Variants in RBFOX1 observed in about 807,000 individuals in gnomAD.
The protein encoded by RBFOX1 is RNA binding protein fox-1 homolog 1.
A neutral mutation model predicts 57.7 loss-of-function variants in RBFOX1; 8 were observed. The ratio of observed to expected loss-of-function variants is 0.14; its 90% confidence interval spans 0.08 to 0.25. The LOEUF (loss-of-function observed/expected upper bound fraction) is 0.25. Ranked by LOEUF, RBFOX1 falls within the 10% of genes least tolerant of loss-of-function variation. The pLI is 1.00. For missense variants in RBFOX1, 611 were observed against 548.5 expected (o/e 1.11, Z -1.14); for synonymous variants, 326 against 222.4 (o/e 1.47, Z -4.15).
At chr16:7,602,989 T>C (rs369979582) in intron 9 of RBFOX1, among the ~76,000 whole-genome samples, 11 of 152,218 alleles carry the variant, frequency 7.2e-5, no homozygotes, top group Admixed American at 2.0e-4. Context: ...TGAATGTCCA[T>C]TGGGTCAGTG....
chr16:7,332,071 A>G (rs117968516), intron 4 of RBFOX1, among the ~76,000 whole-genome samples: 1,525 of 152,322 alleles, frequency 0.01, 14 homozygotes, highest in Non-Finnish European at 0.016. Context: ...GTCGTTAAAA[A>G]CACAAAATAA....
chr16:7,710,665 G>A lies in RBFOX1; in HGVS notation c.1114G>A (p.Ala372Thr). 1 of 1,613,684 alleles carries A rather than the reference G, an allele frequency of 6.2e-7. No homozygotes were observed. The highest frequency in any genetic ancestry group is 8.5e-7 in the Non-Finnish European group (1 of 1,179,788). The change falls in exon 16 of 16, where the codon GCT becomes ACT. Residue 372 changes from alanine to threonine, a missense_variant. By Grantham distance (58) the Ala-to-Thr change is moderately conservative. Around this residue, in one of 3 missense-constraint regions of RBFOX1, gnomAD observed 267 missense variants for 229.1 expected, o/e 1.17. Coordinates refer to ENST00000550418, the MANE Select transcript of RBFOX1 (RefSeq NM_018723.4). ...GACTGATGCCAAGACTAGGAGCCAT[G>A]CTGATGATGTGGGTCTCGTTCTTTC... is the stretch of plus-strand genomic sequence containing the variant. ...PLTDAKTRSHADDVGLVLSSL... is the reference protein window; with the variant it reads ...PLTDAKTRSHTDDVGLVLSSL...
At chr16:5,283,887 G>A in intron 1 of RBFOX1, among the ~76,000 whole-genome samples, 1 of 151,960 alleles carries the variant, frequency 6.6e-6, no homozygotes. Flanking sequence ...AGGCATGATT[G>A]GTTTTAAAAT....
Position 7,052,106 on chromosome 16 carries a change from C to G in RBFOX1, c.27+8C>G. On this transcript the variant is annotated splice_region_variant and intron_variant, in intron 4 of 15. Transcript: ENST00000550418. ...GAAAGAGAGCAGCTAAGGGTAGGTG[C>G]ACCTGCTTGTAAAATGCTTCCTGAT... 6.3e-7 allele frequency: 1 copy of G among 1,594,672 alleles called. No homozygotes were observed.
intron 1 of RBFOX1, among the ~76,000 whole-genome samples, chr16:5,392,500 G>C (rs1019737744): frequency 6.0e-5 from 9 of 151,012 alleles, no homozygotes; most frequent in Admixed American, 5.3e-4. Context: ...AATGTGGGAT[G>C]GAGTATGTCT....
At chr16:5,681,045 T>C (rs1415793032) in intron 3 of RBFOX1, among the ~76,000 whole-genome samples, 1 of 151,902 alleles carries the variant, frequency 6.6e-6, no homozygotes, top group Non-Finnish European at 1.5e-5. Context: ...TTAGATAAGA[T>C]GGCCAGAAAA....
chr16:5,484,809 G>C (rs1275716231), intron 2 of RBFOX1, among the ~76,000 whole-genome samples: 1 of 152,056 alleles, frequency 6.6e-6, no homozygotes, highest in Non-Finnish European at 1.5e-5. Flanking sequence ...CTACTCAGGA[G>C]GCTGAGGCAG....
At chr16:6,799,198 C>G (rs1033521357) in intron 3 of RBFOX1, among the ~76,000 whole-genome samples, 2 of 151,968 alleles carry the variant, frequency 1.3e-5, no homozygotes, top group Non-Finnish European at 1.5e-5. Context: ...TGGAGGAGAG[C>G]CAGTTTACTA....
intron 1 of RBFOX1, among the ~76,000 whole-genome samples, chr16:6,194,941 T>C (rs2152817876): frequency 6.6e-6 from 1 of 152,348 alleles, no homozygotes; most frequent in Middle Eastern, 3.4e-3. Context: ...TCAAGATTTT[T>C]AGGAAACCAA....
At chr16:5,500,668 A>T (rs185283337) in intron 2 of RBFOX1, among the ~76,000 whole-genome samples, 11 of 152,296 alleles carry the variant, frequency 7.2e-5, no homozygotes, top group Non-Finnish European at 1.5e-5. Flanking sequence ...CAGCAGCCTC[A>T]GTGTATGGGT....
chr16:7,670,162 G>A (rs934133547), intron 13 of RBFOX1, among the ~76,000 whole-genome samples: 22 of 152,212 alleles, frequency 1.4e-4, no homozygotes, highest in East Asian at 3.9e-4. Flanking sequence ...CTCCCAGATA[G>A]CTGAGACTAC....
chr16:6,500,412 T>G (rs749510128), intron 2 of RBFOX1, among the ~76,000 whole-genome samples: 6 of 152,180 alleles, frequency 3.9e-5, no homozygotes, highest in Non-Finnish European at 7.3e-5. Context: ...ACCATTTATA[T>G]GATATTGTTA....
At chr16:5,427,268 G>T (rs1333543805) in intron 1 of RBFOX1, among the ~76,000 whole-genome samples, 1 of 152,218 alleles carries the variant, frequency 6.6e-6, no homozygotes, top group Non-Finnish European at 1.5e-5. Flanking sequence ...GGCTCATGCA[G>T]TTAAGGAGAA....
intron 2 of RBFOX1, among the ~76,000 whole-genome samples, chr16:6,601,721 G>T (rs554524665): frequency 6.6e-6 from 1 of 152,110 alleles, no homozygotes; most frequent in African/African-American, 2.4e-5. Context: ...TCATTCTCCC[G>T]GGTATATTTG....
At chr16:6,205,118 A>G (rs1439717190) in intron 1 of RBFOX1, among the ~76,000 whole-genome samples, 2 of 152,134 alleles carry the variant, frequency 1.3e-5, no homozygotes, top group Non-Finnish European at 2.9e-5. Flanking sequence ...TAGTCCTGTT[A>G]TCTAATTATT....
intron 3 of RBFOX1, among the ~76,000 whole-genome samples, chr16:6,798,323 C>A (rs1272552361): frequency 1.3e-5 from 2 of 152,042 alleles, no homozygotes; most frequent in African/African-American, 4.8e-5. Flanking sequence ...TTGATAAACT[C>A]TGAAAAAGGT....
intron 5 of RBFOX1, among the ~76,000 whole-genome samples, chr16:7,567,255 A>ATATATATCCCTT (rs71150315): frequency 2.4e-5 from 2 of 84,268 alleles, no homozygotes; most frequent in Non-Finnish European, 5.0e-5. Flanking sequence ...ATATCCCTAT[A>ATATATATCCCTT]TATATATATC....
intron 1 of RBFOX1, among the ~76,000 whole-genome samples, chr16:5,410,666 G>A (rs917805539): frequency 2.6e-5 from 4 of 152,152 alleles, no homozygotes; most frequent in Admixed American, 1.3e-4. Context: ...TCTAAGCTCC[G>A]TGTTCCTGTC....
chr16:7,132,491 A>T (rs1022277078), intron 4 of RBFOX1, among the ~76,000 whole-genome samples: 1 of 150,646 alleles, frequency 6.6e-6, no homozygotes, highest in Non-Finnish European at 1.5e-5. Flanking sequence ...CAGTCACTTT[A>T]TCTTGAATAA....
Sources: allele counts gnomAD v4.1 joint callset (sites outside exome capture counted in the v4.1 genomes callset), GRCh38; gene constraint gnomAD v4.1.1; regional missense constraint gnomAD v4.1.1; transcripts MANE v1.5; gene names NCBI Gene and HGNC (gene_info 2026-07-23, HGNC 2026-07-21).